The following DCUN1D4 variants were observed in gnomAD, a reference collection of about 807,000 sequenced individuals.
DCUN1D4 encodes the protein DCN1-like protein 4.
A neutral mutation model predicts 47.9 loss-of-function variants in DCUN1D4; 22 were observed. That is an observed-to-expected ratio of 0.46 (90% confidence interval 0.33 to 0.66). The LOEUF is 0.66. Among genes scored for constraint, DCUN1D4 ranks in the 30% least tolerant of loss-of-function variants. DCUN1D4 has a pLI of 0.02. For synonymous variants in DCUN1D4, 121 were observed against 112.2 expected (o/e 1.08, Z -0.50); for missense variants, 301 against 340.8 (o/e 0.88, Z 0.92).
At chr4:51,903,449 GT>G (rs1378394892) in intron 8 of DCUN1D4, among the ~76,000 whole-genome samples, 4 of 152,132 alleles carry the variant, frequency 2.6e-5, no homozygotes, top group Non-Finnish European at 5.9e-5. Context: ...TTTTTAGCAA[GT>G]TTATTATAAT....
At position 51,915,931 on chromosome 4, in the gene DCUN1D4, T is replaced by G. The variant is rs1041984438; in HGVS notation, c.*2347T>G. The G allele has an allele frequency of 2.0e-5, 3 of 152,472 alleles. No homozygotes were observed. Among genetic ancestry groups the G allele is most frequent in the Non-Finnish European group, 2.9e-5 (2 of 67,996 alleles). The allele number at this position is 152,472 out of a possible 1,614,324, so 9.4% of individuals were successfully genotyped here. On this transcript the variant is annotated 3_prime_UTR_variant, in exon 11 of 11. Transcript: ENST00000334635. ...GCCTTGAAAAATAAACCTCTTTGAC[T>G]GCTGAGCGGCAGAGTGCTTACCCTT...
At chr4:51,886,539 T>C in intron 5 of DCUN1D4, 29 bp from the exon 6 acceptor site, 4 of 1,603,740 alleles carry the variant, frequency 2.5e-6, no homozygotes, top group Non-Finnish European at 3.4e-6. Context: ...CATGGTCAGA[T>C]TTAATTTACA....
chr4:51,888,724 CA>C (rs71193044), intron 6 of DCUN1D4, among the ~76,000 whole-genome samples: 71 of 81,258 alleles, frequency 8.7e-4, no homozygotes, highest in Non-Finnish European at 1.3e-3. Context: ...ACTCCATCTC[CA>C]AAAAAAAAAA....
At chr4:51,863,847 G>C in intron 3 of DCUN1D4, 138 bp downstream of exon 3, 1 of 908,444 alleles carries the variant, frequency 1.1e-6, no homozygotes, top group Non-Finnish European at 1.6e-6. Context: ...TGTTTTTCAG[G>C]GAGTAATGAA....
At chr4:51,873,161 C>G (rs1727170248) in intron 3 of DCUN1D4, among the ~76,000 whole-genome samples, 1 of 152,190 alleles carries the variant, frequency 6.6e-6, no homozygotes, top group African/African-American at 2.4e-5. Flanking sequence ...CCTCATCACT[C>G]CCTGAGAGCC....
chr4:51,908,803 C>T, intron 8 of DCUN1D4: 1 of 431,892 alleles, frequency 2.3e-6, no homozygotes, highest in Non-Finnish European at 4.7e-6. Flanking sequence ...TTTAGTGTTT[C>T]CAGTCATGGT....
At chr4:51,908,758 G>T (rs1158980819) in intron 8 of DCUN1D4, among the ~76,000 whole-genome samples, 1 of 152,080 alleles carries the variant, frequency 6.6e-6, no homozygotes, top group African/African-American at 2.4e-5. Flanking sequence ...GTAGATGTTT[G>T]CTGTGGGAGC....
At chr4:51,887,143 C>G (rs1190108820) in intron 6 of DCUN1D4, 1 of 452,140 alleles carries the variant, frequency 2.2e-6, no homozygotes, top group Non-Finnish European at 4.4e-6. Context: ...GCACTGTCGC[C>G]AGGCTGGAGT....
chr4:51,845,501 G>T (rs1722396272), intron 1 of DCUN1D4, among the ~76,000 whole-genome samples: 1 of 152,154 alleles, frequency 6.6e-6, no homozygotes, highest in South Asian at 2.1e-4. Flanking sequence ...TTAGCTGCAG[G>T]CTGCAATTCC....
rs1578073110 is a variant in DCUN1D4 at position 51,913,724 on chromosome 4, T to C, written c.*140T>C. The C allele has an allele frequency of 1.3e-6, 1 of 749,922 alleles. No homozygotes were observed. Among genetic ancestry groups the C allele is most frequent in the East Asian group, 2.6e-5 (1 of 39,184 alleles). The allele number at this position is 749,922 out of a possible 1,614,324, so 46.5% of individuals were successfully genotyped here. A position where few individuals can be genotyped will look rare whatever the true frequency, so the allele number is the denominator to read the frequency against. On this transcript the variant is annotated 3_prime_UTR_variant, in exon 11 of 11. Transcript: ENST00000334635. Reference sequence around the variant, plus strand: ...GCAGGGACATGTTGGTGTTTGCTATTGAATTGGCCAGCTCTGCTTGCTGTG... The same window carrying C: ...GCAGGGACATGTTGGTGTTTGCTATCGAATTGGCCAGCTCTGCTTGCTGTG...
rs1733676848 is a variant in DCUN1D4 at position 51,911,261 on chromosome 4, T to C, written c.720+87T>C. On this transcript the variant is annotated intron_variant, in intron 9 of 10. Transcript: ENST00000334635. ...TTCACCCGTTGTATGTAATTTTTTG[T>C]TTGTTGTACTTTTCTGCCTATGTAG... 4.8e-6 allele frequency: 6 copies of C among 1,238,292 alleles called. No homozygotes were observed. In the South Asian group the frequency reaches 7.8e-5, roughly 16 times the overall value. 76.7% of individuals were successfully genotyped at this position (1,238,292 alleles called of 1,614,324 possible).
At chr4:51,862,905 C>T (rs537760319) in intron 1 of DCUN1D4, among the ~76,000 whole-genome samples, 2 of 152,138 alleles carry the variant, frequency 1.3e-5, no homozygotes, top group Non-Finnish European at 2.9e-5. Flanking sequence ...GTCCCAGCTA[C>T]CATGCAGGCT....
rs188519741 is a variant in DCUN1D4 at position 51,861,817 on chromosome 4, G to C, written c.26-1620G>C. ...GGGCTATGGCTTGGTAGTGGATGGG[G>C]TGGAGGTGCAAGAGTTGAATGTTCA... On this transcript the variant is annotated intron_variant, in intron 1 of 10. Coordinates refer to ENST00000334635, the MANE Select transcript of DCUN1D4 (RefSeq NM_001040402.3). Among the ~76,000 whole-genome samples the C allele has an allele frequency of 6.1e-3, 932 of 152,300 alleles. 7 individuals carry two copies. Among genetic ancestry groups the C allele is most frequent in the African/African-American group, 0.021 (878 of 41,572 alleles).
chr4:51,861,023 CTT>C (rs758604168), intron 1 of DCUN1D4, among the ~76,000 whole-genome samples: 12 of 152,178 alleles, frequency 7.9e-5, no homozygotes, highest in Admixed American at 3.3e-4. Flanking sequence ...GAATTGATGT[CTT>C]TTATTGAGCA....
At chr4:51,837,512 G>A in the DCUN1D4 span, among the ~76,000 whole-genome samples, 1,201 of 151,970 alleles carry the variant, frequency 7.9e-3, 10 homozygotes, top group Middle Eastern at 0.024. Context: ...AGAATTAGCC[G>A]GGCGCAGTGG....
Position 51,890,950 on chromosome 4 carries a change from C to CA in DCUN1D4, c.415-806dup, listed in dbSNP as rs751647175. Among the ~76,000 whole-genome samples, 4 of 152,210 alleles carry CA rather than the reference C, an allele frequency of 2.6e-5. No homozygotes were observed. The South Asian group carries it at 8.3e-4, about 31-fold the overall frequency. ...AACCTGCATGGTTTCAGAAGAGTCA[C>CA]AAAAGCACAGGTGGCACCTGGGGGC... On this transcript the variant is annotated intron_variant, in intron 6 of 10. Transcript: ENST00000334635.
Position 51,911,173 on chromosome 4 carries a change from A to T in DCUN1D4, c.719A>T (p.Glu240Val), listed in dbSNP as rs1733662499. The T allele has an allele frequency of 3.7e-6, 6 of 1,609,890 alleles. No individual in the cohort carries two copies. The highest frequency in any genetic ancestry group is 5.1e-6 in the Non-Finnish European group (6 of 1,178,140). ...TTTCCAGTTTTTCACCAATTCTTAG[A>T]GGTACCAAATTGTTGTTTTATGAAA... ...PLFPVFHQFL[E>V]QSKYKVINKD... is the part of the protein sequence containing the mutation. The change falls in exon 9 of 11, where the codon GAG (glutamate) becomes GTG (valine). Residue 240 changes from glutamate (E) to valine (V), a missense_variant and splice_region_variant. Coordinates refer to ENST00000334635, the MANE Select transcript of DCUN1D4 (RefSeq NM_001040402.3).
rs568922993 is a variant in DCUN1D4 at position 51,916,215 on chromosome 4, T to G, written c.*2631T>G. ...ACTCTGTTGTCATGGAATACAACCTTTAGATGTTTACTGCTGAAGTAGGTC... is the reference window on the plus strand; with the variant it reads ...ACTCTGTTGTCATGGAATACAACCTGTAGATGTTTACTGCTGAAGTAGGTC... On this transcript the variant is annotated 3_prime_UTR_variant, in exon 11 of 11. Transcript: ENST00000334635. 3 of 152,258 alleles carry G rather than the reference T, an allele frequency of 2.0e-5. No homozygotes were observed. In the East Asian group the frequency reaches 5.8e-4, roughly 29 times the overall value. The allele number at this position is 152,258 out of a possible 1,614,324, so 9.4% of individuals were successfully genotyped here.
chr4:51,839,159 G>GAAGGAGAAGGAAGGAAGGAAGA (rs1721567665), upstream of DCUN1D4, among the ~76,000 whole-genome samples: 1 of 148,484 alleles, frequency 6.7e-6, no homozygotes, highest in East Asian at 2.0e-4. Flanking sequence ...AGGAAGGAAG[G>GAAGGAGAAGGAAGGAAGGAAGA]AAGGAGAAGG....
Sources: gnomAD v4.1 joint callset for allele counts (sites outside exome capture counted in the v4.1 genomes callset) on GRCh38, gnomAD v4.1.1 for gene constraint, MANE v1.5 for transcripts, NCBI Gene and HGNC (gene_info 2026-07-23, HGNC 2026-07-21) for gene names.